Variants in ADCY5 observed in about 807,000 individuals in gnomAD.
ADCY5 encodes the protein adenylate cyclase type 5.
Under a neutral mutation model 119.7 loss-of-function variants are expected in ADCY5, and 30 were observed. That is an observed-to-expected ratio of 0.25 (90% CI 0.19 to 0.34). ADCY5 has a LOEUF of 0.34. Ranked by LOEUF, ADCY5 falls within the 10% of genes least tolerant of loss-of-function variation. The probability of loss-of-function intolerance (pLI) is 1.00; values close to 1 mark genes in which losing one functional copy is unlikely to be tolerated. For synonymous variants in ADCY5, 753 were observed against 762.2 expected (o/e 0.99, Z 0.20); for missense variants, 1,324 against 1,775.2 (o/e 0.75, Z 4.57).
chr3:123,295,281 G>C (rs1559782835), intron 17 of ADCY5, among the ~76,000 whole-genome samples: 1 of 152,234 alleles, frequency 6.6e-6, no homozygotes. Flanking sequence ...AAGTGGTCTA[G>C]AGATAGGGGC....
intron 1 of ADCY5, among the ~76,000 whole-genome samples, chr3:123,422,295 C>A (rs1265133741): frequency 1.3e-5 from 2 of 152,192 alleles, no homozygotes; most frequent in African/African-American, 4.8e-5. Context: ...AGGGTAGGCA[C>A]AGTGGCCAGA....
intron 1 of ADCY5, among the ~76,000 whole-genome samples, chr3:123,415,659 A>G (rs1369854712): frequency 2.0e-5 from 3 of 152,208 alleles, no homozygotes; most frequent in African/African-American, 7.2e-5. Context: ...CAGTTTAATT[A>G]CAAAGCCCAG....
At chr3:123,372,253 G>T (rs1943668204) in intron 1 of ADCY5, among the ~76,000 whole-genome samples, 1 of 151,926 alleles carries the variant, frequency 6.6e-6, no homozygotes, top group Admixed American at 6.6e-5. Flanking sequence ...TCAACCCCCA[G>T]CCCCAGGGAC....
chr3:123,410,172 A>C (rs1945007830), intron 1 of ADCY5, among the ~76,000 whole-genome samples: 1 of 152,214 alleles, frequency 6.6e-6, no homozygotes, highest in South Asian at 2.1e-4. Context: ...AGAATGAGAA[A>C]GGGAGGGAAG....
chr3:123,397,970 T>C (rs1944650363), intron 1 of ADCY5, among the ~76,000 whole-genome samples: 1 of 151,978 alleles, frequency 6.6e-6, no homozygotes, highest in Non-Finnish European at 1.5e-5. Context: ...AGAAGGGAAA[T>C]TTAAGGGTTA....
chr3:123,309,576 C>G (rs1940428837), intron 12 of ADCY5, among the ~76,000 whole-genome samples: 1 of 152,212 alleles, frequency 6.6e-6, no homozygotes. Flanking sequence ...TCAATAAAAG[C>G]TACCTTTGAG....
At position 123,375,202 on chromosome 3, in the gene ADCY5, C is replaced by T. The variant is rs147819590; in HGVS notation, c.1135-22621G>A. Among the ~76,000 whole-genome samples the T allele has an allele frequency of 4.7e-4, 71 of 152,286 alleles. 1 individual carries two copies. The East Asian group carries it at 0.012, about 26-fold the overall frequency. ...AGTGTCGGCTCACTGCTGAGAAGTT[C>T]GACGTGGAGGACTCATTTATCTTCC... On this transcript the variant is annotated intron_variant, in intron 1 of 20. Transcript: ENST00000462833.
chr3:123,291,103 C>T lies in ADCY5; in HGVS notation c.3327+10G>A, dbSNP rs199529365. 5.3e-4 allele frequency: 857 copies of T among 1,605,716 alleles called. No homozygotes were observed. The highest frequency in any genetic ancestry group is 7.1e-4 in the Non-Finnish European group (838 of 1,174,754). ...CAGGAACACAGCCTGACCCAGGCCC[C>T]GCTGTGCACCTCATCAAAGTCAGCG... On this transcript the variant is annotated intron_variant, in intron 18 of 20. Transcript: ENST00000462833.
chr3:123,319,981 G>A (rs1409035530), intron 9 of ADCY5, among the ~76,000 whole-genome samples, 163 bp from the exon 10 acceptor site: 1 of 152,234 alleles, frequency 6.6e-6, no homozygotes, highest in African/African-American at 2.4e-5. Flanking sequence ...AGAAGCCTAA[G>A]CCGTGCTCTT....
intron 1 of ADCY5, among the ~76,000 whole-genome samples, chr3:123,426,063 T>C (rs1017588919): frequency 2.0e-5 from 3 of 152,246 alleles, no homozygotes; most frequent in Non-Finnish European, 2.9e-5. Flanking sequence ...GTACAGTCCC[T>C]GTGCTAAGTG....
At chr3:123,407,259 C>T (rs558621333) in intron 1 of ADCY5, among the ~76,000 whole-genome samples, 19 of 152,164 alleles carry the variant, frequency 1.2e-4, no homozygotes, top group Non-Finnish European at 2.5e-4. Context: ...TCAGTGCACA[C>T]CCCTCTCCTG....
Position 123,345,769 on chromosome 3 carries a change from G to GACACACACAC in ADCY5, c.1406+2003_1406+2012dup, listed in dbSNP as rs56185421. 4.4e-3 allele frequency among the ~76,000 whole-genome samples: 498 copies of GACACACACAC among 113,786 alleles called. 4 individuals are homozygous for GACACACACAC. The highest frequency in any genetic ancestry group is 5.8e-3 in the Admixed American group (63 of 10,786). The allele number at this position is 113,786 out of a possible 152,430, so 74.6% of individuals were successfully genotyped here. A position where few individuals can be genotyped will look rare whatever the true frequency, so the allele number is the denominator to read the frequency against. ...AGACAGACAGACAGACAGACAGACA[G>GACACACACAC]ACACACACACACACACACACACACA... On this transcript the variant is annotated intron_variant, in intron 3 of 20. Transcript: ENST00000462833.
In ADCY5 at chr3:123,296,134, C is replaced by T. The variant is rs1386912280; in HGVS notation, c.3013G>A (p.Ala1005Thr). Residue 1005 changes from alanine to threonine, a missense_variant, in exon 17 of 21, where the codon GCC (alanine) becomes ACC (threonine). Physicochemically the swap from Ala to Thr is moderately conservative, Grantham distance 58 (BLOSUM62 0). Around this residue, in one of 6 missense-constraint regions of ADCY5, gnomAD observed 14 missense variants for 24.4 expected, o/e 0.57. Transcript: ENST00000462833. ...SVFVLALYLH[A>T]QQVESTARLD... ...CGGGCAGTGGACTCCACCTGCTGGG[C>T]GTGCAGGTACAGGGCCAGCACAAAG... The T allele has an allele frequency of 8.7e-6, 14 of 1,614,024 alleles. No individual in the cohort carries two copies. Among genetic ancestry groups the T allele is most frequent in the South Asian group, 2.2e-5 (2 of 91,078 alleles).
rs1325119127 is a variant in ADCY5 at position 123,282,527 on chromosome 3, T to A, written c.*2081A>T. On this transcript the variant is annotated 3_prime_UTR_variant, in exon 21 of 21. Transcript: ENST00000462833. ...GACCATGGGAGAACATGGGATGAAC[T>A]CAGCACACACACTTTACTCAGGTTG... is the stretch of plus-strand genomic sequence containing the variant. 3 of 152,174 alleles carry A rather than the reference T, an allele frequency of 2.0e-5. No homozygotes were observed. Among genetic ancestry groups the A allele is most frequent in the African/African-American group, 7.2e-5 (3 of 41,392 alleles). 9.4% of individuals were successfully genotyped at this position (152,174 alleles called of 1,614,324 possible). A position where few individuals can be genotyped will look rare whatever the true frequency, so the allele number is the denominator to read the frequency against.
At chr3:123,396,203 AAAAG>A (rs1267334549) in intron 1 of ADCY5, among the ~76,000 whole-genome samples, 1 of 137,548 alleles carries the variant, frequency 7.3e-6, no homozygotes, top group African/African-American at 2.7e-5. Flanking sequence ...AGGAAGGAAG[AAAAG>A]AAAGAGAAAG....
rs746945989 is a variant in ADCY5 at position 123,303,893 on chromosome 3, G to GAAGAGAAGAGAAGAA, written c.2559+173_2559+174insTTCTTCTCTTCTCTT. Reference sequence around the variant, plus strand: ...GAAGAGAAGAGAAGAGAAGAGAAGAGAAGAAAGAACTTGTGTGAGGCACAT... The same window carrying GAAGAGAAGAGAAGAA: ...GAAGAGAAGAGAAGAGAAGAGAAGAGAAGAGAAGAGAAGAAAAGAAAGAACTTGTGTGAGGCACAT... On this transcript the variant is annotated intron_variant, in intron 13 of 20. Coordinates refer to ENST00000462833, the MANE Select transcript of ADCY5 (RefSeq NM_183357.3). Among the ~76,000 whole-genome samples the GAAGAGAAGAGAAGAA allele has an allele frequency of 0.15, 17,150 of 116,812 alleles. 1,469 individuals are homozygous for GAAGAGAAGAGAAGAA. Among genetic ancestry groups the GAAGAGAAGAGAAGAA allele is most frequent in the Non-Finnish European group, 0.17 (9,886 of 57,848 alleles). The allele number at this position is 116,812 out of a possible 152,430, so 76.6% of individuals were successfully genotyped here. A position where few individuals can be genotyped will look rare whatever the true frequency, so the allele number is the denominator to read the frequency against.
chr3:123,391,005 C>T (rs1944387414), intron 1 of ADCY5, among the ~76,000 whole-genome samples: 2 of 152,374 alleles, frequency 1.3e-5, no homozygotes, highest in Non-Finnish European at 2.9e-5. Context: ...TACAAGGACA[C>T]CGTGCTGACC....
chr3:123,317,459 G>C (rs1940975512), intron 11 of ADCY5, among the ~76,000 whole-genome samples: 1 of 152,132 alleles, frequency 6.6e-6, no homozygotes, highest in Admixed American at 6.5e-5. Flanking sequence ...TCTTGACCAG[G>C]CGTGGTGGCT....
chr3:123,438,295 C>T (rs1210126939), intron 1 of ADCY5, among the ~76,000 whole-genome samples: 1 of 152,152 alleles, frequency 6.6e-6, no homozygotes, highest in Non-Finnish European at 1.5e-5. Flanking sequence ...ATATTAAAAG[C>T]TTTAATGCCT....
Sources: allele counts gnomAD v4.1 joint callset (sites outside exome capture counted in the v4.1 genomes callset), GRCh38; gene constraint gnomAD v4.1.1; regional missense constraint gnomAD v4.1.1; transcripts MANE v1.5; gene names NCBI Gene and HGNC (gene_info 2026-07-23, HGNC 2026-07-21).